Variants in PDGFD observed in about 807,000 individuals in gnomAD.
PDGFD encodes the protein platelet-derived growth factor D.
PDGFD carries 30 observed loss-of-function variants against 44.7 expected under a neutral mutation model. The observed-to-expected ratio is 0.67, with a 90% CI of 0.50 to 0.91. PDGFD has a LOEUF of 0.91. PDGFD is among the 40% of genes least tolerant of loss of function. The pLI, the probability that PDGFD is intolerant of heterozygous loss-of-function variation, is 0.00. For missense variants in PDGFD, 445 were observed against 457.8 expected (o/e 0.97, Z 0.25); for synonymous variants, 173 against 168.4 (o/e 1.03, Z -0.21).
intron 1 of PDGFD, among the ~76,000 whole-genome samples, chr11:104,100,668 T>C (rs1861363858): frequency 6.6e-6 from 1 of 152,150 alleles, no homozygotes; most frequent in African/African-American, 2.4e-5. Context: ...TTTAGACCAA[T>C]ATCCCTGATG....
intron 3 of PDGFD, among the ~76,000 whole-genome samples, chr11:103,963,978 C>G (rs1168008752): frequency 6.6e-6 from 1 of 152,038 alleles, no homozygotes; most frequent in East Asian, 1.9e-4. Context: ...AAATCATTTA[C>G]CAATGCTTTC....
At chr11:103,962,130 G>T (rs184286572) in intron 3 of PDGFD, among the ~76,000 whole-genome samples, 2 of 152,204 alleles carry the variant, frequency 1.3e-5, no homozygotes, top group African/African-American at 4.8e-5. Flanking sequence ...CGGTGCCGTT[G>T]GTTTGGAAAA....
At chr11:104,039,688 C>CA (rs1216645509) in intron 1 of PDGFD, among the ~76,000 whole-genome samples, 1 of 151,760 alleles carries the variant, frequency 6.6e-6, no homozygotes, top group Non-Finnish European at 1.5e-5. Flanking sequence ...ATGCAATTAA[C>CA]AAAAAAAGAC....
chr11:104,027,878 T>C (rs1477856362), intron 1 of PDGFD, among the ~76,000 whole-genome samples: 1 of 152,162 alleles, frequency 6.6e-6, no homozygotes, highest in African/African-American at 2.4e-5. Context: ...TAAGAAGTTA[T>C]AGCTTAGAGC....
chr11:103,989,747 A>G (rs1859423340), intron 3 of PDGFD, among the ~76,000 whole-genome samples: 1 of 152,148 alleles, frequency 6.6e-6, no homozygotes. Context: ...AAGTGAGGTG[A>G]AATGAAGTCC....
intron 5 of PDGFD, among the ~76,000 whole-genome samples, chr11:103,934,205 C>A (rs1160108786): frequency 6.6e-6 from 1 of 152,170 alleles, no homozygotes; most frequent in Non-Finnish European, 1.5e-5. Context: ...GTAGCTCCTG[C>A]CAAGGAACTT....
intron 1 of PDGFD, among the ~76,000 whole-genome samples, chr11:104,089,976 A>G (rs1861187567): frequency 6.6e-6 from 1 of 152,164 alleles, no homozygotes; most frequent in African/African-American, 2.4e-5. Flanking sequence ...AGTAGAACAT[A>G]CAACTCTCTC....
At chr11:103,930,324 C>G (rs1395116875) in intron 5 of PDGFD, among the ~76,000 whole-genome samples, 1 of 152,086 alleles carries the variant, frequency 6.6e-6, no homozygotes, top group African/African-American at 2.4e-5. Context: ...AATAAGAATG[C>G]TGGGATCTGA....
rs376100454 is a variant in PDGFD, at chr11:104,015,783, C to G, written c.125-15528G>C. 1.7e-3 allele frequency among the ~76,000 whole-genome samples: 256 copies of G among 152,184 alleles called. 3 individuals carry two copies. The highest frequency in any genetic ancestry group is 0.014 in the South Asian group (67 of 4,822). The stretch of plus-strand genomic sequence containing the variant: ...TCATGTGAGAGTTTTGCATGGTTGT[C>G]CAATTTAGCCATTCACCCATTTTCC... On this transcript the variant is annotated intron_variant, in intron 1 of 6. Coordinates refer to ENST00000393158, the MANE Select transcript of PDGFD (RefSeq NM_025208.5).
intron 1 of PDGFD, among the ~76,000 whole-genome samples, chr11:104,117,326 C>T (rs1399016155): frequency 6.6e-6 from 1 of 151,912 alleles, no homozygotes; most frequent in Non-Finnish European, 1.5e-5. Flanking sequence ...TGGAACAAGA[C>T]AAGGATGCCC....
At chr11:103,993,271 C>T (rs1859486931) in intron 3 of PDGFD, among the ~76,000 whole-genome samples, 1 of 151,858 alleles carries the variant, frequency 6.6e-6, no homozygotes, top group African/African-American at 2.4e-5. Context: ...GAGACAGGGT[C>T]CCACTATGTT....
At chr11:103,977,665 T>C (rs1350638301) in intron 3 of PDGFD, among the ~76,000 whole-genome samples, 1 of 152,082 alleles carries the variant, frequency 6.6e-6, no homozygotes, top group Non-Finnish European at 1.5e-5. Context: ...AAAAGATAGA[T>C]GAAGTAATGC....
At chr11:103,939,750 G>C (rs1858553605) in intron 5 of PDGFD, among the ~76,000 whole-genome samples, 1 of 152,010 alleles carries the variant, frequency 6.6e-6, no homozygotes, top group Admixed American at 6.6e-5. Flanking sequence ...AATGCAATTT[G>C]AACTTAAAAT....
At chr11:104,070,659 C>A (rs1190034062) in intron 1 of PDGFD, among the ~76,000 whole-genome samples, 1 of 152,070 alleles carries the variant, frequency 6.6e-6, no homozygotes, top group Non-Finnish European at 1.5e-5. Context: ...CTCTTTTGCA[C>A]CTTCATTTTT....
At chr11:104,149,256 G>A (rs1450398990) in intron 1 of PDGFD, among the ~76,000 whole-genome samples, 1 of 152,086 alleles carries the variant, frequency 6.6e-6, no homozygotes, top group Non-Finnish European at 1.5e-5. Context: ...TAAGTGAAAG[G>A]ATGTATAGAG....
chr11:104,032,523 T>C (rs1321104368), intron 1 of PDGFD, among the ~76,000 whole-genome samples: 1 of 152,154 alleles, frequency 6.6e-6, no homozygotes, highest in Non-Finnish European at 1.5e-5. Flanking sequence ...TGTTACATAG[T>C]GACATTTATG....
chr11:104,007,076 C>T (rs979804110), intron 1 of PDGFD, among the ~76,000 whole-genome samples: 2 of 152,188 alleles, frequency 1.3e-5, no homozygotes, highest in African/African-American at 2.4e-5. Context: ...GTCTCATCTG[C>T]GTGCTCCCCC....
intron 3 of PDGFD, among the ~76,000 whole-genome samples, chr11:103,974,084 T>C (rs896873831): frequency 6.6e-6 from 1 of 152,068 alleles, no homozygotes; most frequent in African/African-American, 2.4e-5. Context: ...AAAGAAATTA[T>C]GGTGGTCATA....
intron 1 of PDGFD, among the ~76,000 whole-genome samples, chr11:104,030,268 T>C (rs900248025): frequency 6.6e-6 from 1 of 152,314 alleles, no homozygotes. Context: ...TGTATATACA[T>C]TCACATTAAA....
Sources: gnomAD v4.1 joint callset for allele counts (sites outside exome capture counted in the v4.1 genomes callset) on GRCh38, gnomAD v4.1.1 for gene constraint, MANE v1.5 for transcripts, NCBI Gene and HGNC (gene_info 2026-07-23, HGNC 2026-07-21) for gene names.